The following ASCC3 variants were observed in gnomAD, a reference collection of about 807,000 sequenced individuals.
The protein encoded by ASCC3 is activating signal cointegrator 1 complex subunit 3.
ASCC3 carries 158 observed loss-of-function variants against 256.3 expected under a neutral mutation model. That is an observed-to-expected ratio of 0.62 (90% confidence interval 0.54 to 0.70). The LOEUF (loss-of-function observed/expected upper bound fraction) is 0.70, where lower values mean the gene tolerates loss of function less well. ASCC3 is among the 30% of genes least tolerant of loss of function. The pLI is 0.00. For missense variants in ASCC3, 2,259 were observed against 2,626.0 expected, an observed-to-expected ratio of 0.86 and a Z score of 3.05; for synonymous variants, 948 against 883.4, an observed-to-expected ratio of 1.07 and a Z score of -1.30.
chr6:100,716,736 T>C (rs1326352392), intron 12 of ASCC3, among the ~76,000 whole-genome samples: 15 of 151,952 alleles, frequency 9.9e-5, no homozygotes. Context: ...ATGATTATGA[T>C]GGTAACGTAC....
chr6:100,755,765 C>T (rs1419283588), intron 10 of ASCC3, among the ~76,000 whole-genome samples: 1 of 151,950 alleles, frequency 6.6e-6, no homozygotes, highest in Non-Finnish European at 1.5e-5. Flanking sequence ...CAAAGACCTC[C>T]CAGAATCATA....
At chr6:100,625,430 G>A in intron 29 of ASCC3, 96 bp from the exon 30 acceptor site, 1 of 1,410,446 alleles carries the variant, frequency 7.1e-7, no homozygotes, top group East Asian at 2.3e-5. Context: ...AACTAATGAT[G>A]TAAACAATTT....
intron 5 of ASCC3, among the ~76,000 whole-genome samples, chr6:100,803,649 G>A (rs1049077539): frequency 1.3e-5 from 2 of 152,124 alleles, no homozygotes; most frequent in African/African-American, 2.4e-5. Flanking sequence ...AAACAGACCT[G>A]CAGACAAAAT....
chr6:100,614,803 T>C (rs1430591625), intron 30 of ASCC3, among the ~76,000 whole-genome samples: 1 of 152,198 alleles, frequency 6.6e-6, no homozygotes, highest in African/African-American at 2.4e-5. Context: ...TAATGAGTTA[T>C]GAAATAATGA....
intron 38 of ASCC3, 70 bp downstream of exon 38, chr6:100,517,921 G>T: frequency 1.3e-6 from 2 of 1,510,568 alleles, no homozygotes; most frequent in Non-Finnish European, 1.8e-6. Flanking sequence ...AAATTTCAGT[G>T]ACTACATATA....
At chr6:100,697,556 AC>A (rs1382327099) in intron 13 of ASCC3, among the ~76,000 whole-genome samples, 3 of 150,010 alleles carry the variant, frequency 2.0e-5, no homozygotes, top group Admixed American at 6.7e-5. Context: ...AAAAAAAAAA[AC>A]ATTTTCAAGA....
intron 15 of ASCC3, 134 bp from the exon 16 acceptor site, chr6:100,662,164 T>TA: frequency 9.0e-7 from 1 of 1,109,528 alleles, no homozygotes; most frequent in Non-Finnish European, 1.3e-6. Flanking sequence ...TCATCTGTGA[T>TA]AGAGTAAAAT....
chr6:100,639,152 TA>T (rs1396474111), intron 24 of ASCC3, among the ~76,000 whole-genome samples: 9 of 152,124 alleles, frequency 5.9e-5, no homozygotes, highest in Non-Finnish European at 1.0e-4. Context: ...TCTCAAGTGG[TA>T]AAAAAATTAA....
chr6:100,617,383 T>C (rs1773720710), intron 30 of ASCC3, among the ~76,000 whole-genome samples: 1 of 152,148 alleles, frequency 6.6e-6, no homozygotes, highest in African/African-American at 2.4e-5. Context: ...CTGTTAGTGC[T>C]GGTTGGCAAC....
intron 30 of ASCC3, among the ~76,000 whole-genome samples, chr6:100,619,728 T>C (rs1262349553): frequency 6.6e-6 from 1 of 152,170 alleles, no homozygotes; most frequent in African/African-American, 2.4e-5. Context: ...ATATTTTAAC[T>C]AATATATTTA....
chr6:100,848,566 G>A lies in ASCC3; in HGVS notation c.383C>T (p.Thr128Ile), dbSNP rs1772503039. The A allele has an allele frequency of 6.2e-7, 1 of 1,614,138 alleles. No individual in the cohort carries two copies. Among genetic ancestry groups the A allele is most frequent in the Non-Finnish European group, 8.5e-7 (1 of 1,180,020 alleles). ...TCGATTAGTAGCATTACAAGCTGCA[G>A]TGGCAGATGATGAAGGAAAGGGGCC... ...MFGPFPSSSA[T>I]AACNATNRII... Residue 128 changes from threonine (T) to isoleucine (I), a missense_variant, in exon 4 of 42, where the codon ACT becomes ATT. By Grantham distance (89) the Thr-to-Ile change is moderately conservative (BLOSUM62 -1). Transcript: ENST00000369162.
intron 16 of ASCC3, among the ~76,000 whole-genome samples, chr6:100,660,902 T>G (rs957401212): frequency 6.6e-6 from 1 of 151,714 alleles, no homozygotes; most frequent in Non-Finnish European, 1.5e-5. Flanking sequence ...TTTTGGAATA[T>G]ACACTTCTTA....
intron 36 of ASCC3, among the ~76,000 whole-genome samples, chr6:100,555,457 A>T (rs1769525014): frequency 6.6e-6 from 1 of 152,170 alleles, no homozygotes; most frequent in Non-Finnish European, 1.5e-5. Context: ...TGAAGAAGAA[A>T]TGATACTTCA....
At chr6:100,831,426 T>C (rs1176522265) in intron 4 of ASCC3, among the ~76,000 whole-genome samples, 1 of 151,930 alleles carries the variant, frequency 6.6e-6, no homozygotes, top group East Asian at 1.9e-4. Context: ...GGCAAAGCAA[T>C]GAACACAGCT....
chr6:100,628,879 A>G (rs1195527020), intron 27 of ASCC3, 136 bp downstream of exon 27: 6 of 822,310 alleles, frequency 7.3e-6, no homozygotes, highest in Non-Finnish European at 1.1e-5. Flanking sequence ...ATAATTCCAC[A>G]TTATATACAT....
intron 4 of ASCC3, among the ~76,000 whole-genome samples, chr6:100,837,329 G>T (rs1447593272): frequency 1.3e-5 from 2 of 151,964 alleles, no homozygotes; most frequent in Non-Finnish European, 2.9e-5. Context: ...CAGTATGAAG[G>T]TTTCTCAAAA....
chr6:100,622,780 T>C (rs982212686), intron 30 of ASCC3, among the ~76,000 whole-genome samples: 9 of 152,028 alleles, frequency 5.9e-5, no homozygotes, highest in Admixed American at 3.3e-4. Flanking sequence ...CTATAGTTTC[T>C]ACCTAGCCTT....
chr6:100,644,276 G>T (rs370329352), intron 22 of ASCC3, 147 bp from the exon 23 acceptor site: 2 of 649,774 alleles, frequency 3.1e-6, no homozygotes, highest in Non-Finnish European at 2.7e-6. Flanking sequence ...ACAGTTAAAT[G>T]ATTTTAATAT....
At chr6:100,509,665 C>A in intron 41 of ASCC3, 132 bp from the exon 42 acceptor site, 2 of 929,898 alleles carry the variant, frequency 2.2e-6, no homozygotes, top group South Asian at 1.5e-5. Context: ...CTTTGGGAGG[C>A]CGAGGCGGGC....
Sources: allele counts gnomAD v4.1 joint callset (sites outside exome capture counted in the v4.1 genomes callset), GRCh38; gene constraint gnomAD v4.1.1; transcripts MANE v1.5; gene names NCBI Gene and HGNC (gene_info 2026-07-23, HGNC 2026-07-21).